ZNF609: variants seen among roughly 807,000 people sequenced by gnomAD.
The protein encoded by ZNF609 is zinc finger protein 609.
In ZNF609, 11 loss-of-function variants were observed where a neutral mutation model predicts 109.5. That is an observed-to-expected ratio of 0.10 (90% CI 0.06 to 0.17). The LOEUF (loss-of-function observed/expected upper bound fraction) is 0.17, where lower values mean the gene tolerates loss of function less well. Among genes scored for constraint, ZNF609 ranks in the 10% least tolerant of loss-of-function variants. ZNF609 has a pLI of 1.00. For synonymous variants in ZNF609, 646 were observed against 662.0 expected (o/e 0.98, Z 0.37); for missense variants, 1,559 against 1,772.4 (o/e 0.88, Z 2.16).
chr15:64,467,230 C>G (rs1195797871), intron 1 of ZNF609, among the ~76,000 whole-genome samples: 1 of 152,180 alleles, frequency 6.6e-6, no homozygotes, highest in Non-Finnish European at 1.5e-5. Context: ...TGATGCCAGA[C>G]AAGCTCTGAA....
intron 2 of ZNF609, among the ~76,000 whole-genome samples, chr15:64,553,037 C>T (rs1449712331): frequency 6.6e-6 from 1 of 152,142 alleles, no homozygotes. Context: ...TCCTGAGCTG[C>T]ATTTTCACTT....
At chr15:64,480,300 G>GAGGC (rs1244173206) in intron 1 of ZNF609, among the ~76,000 whole-genome samples, 2 of 152,120 alleles carry the variant, frequency 1.3e-5, no homozygotes, top group Admixed American at 6.5e-5. Context: ...TTGGGAGGCT[G>GAGGC]AGGCAGGTGG....
In ZNF609 at chr15:64,680,768, C is replaced by T. The variant is rs8028030; in HGVS notation, c.4068C>T (p.Thr1356=). 2,632 of 1,613,472 alleles carry T rather than the reference C, an allele frequency of 1.6e-3. 39 individuals are homozygous for T. The African/African-American group carries it at 0.031, about 19-fold the overall frequency. The change falls in exon 8 of 10, where the codon ACC becomes ACT. Residue 1356 remains threonine, a synonymous_variant. Coordinates refer to ENST00000326648, the MANE Select transcript of ZNF609 (RefSeq NM_015042.2). ...GGERSVDRPR[T]SPSQRLMSTH... ...AACGGAGTGTTGACCGGCCCCGCAC[C>T]TCTCCTTCCCAGCGCCTGATGTCCA...
At chr15:64,607,453 T>A (rs1895621756) in intron 2 of ZNF609, among the ~76,000 whole-genome samples, 1 of 151,934 alleles carries the variant, frequency 6.6e-6, no homozygotes, top group Non-Finnish European at 1.5e-5. Flanking sequence ...AAATAATATG[T>A]TAATATTTAA....
At chr15:64,627,663 C>CTTTTTTTTTTTTTTTTTTTTTTTT (rs35293725) in intron 3 of ZNF609, among the ~76,000 whole-genome samples, 10 of 86,010 alleles carry the variant, frequency 1.2e-4, no homozygotes, top group East Asian at 4.0e-4. Flanking sequence ...TTTTTTCTTT[C>CTTTTTTTTTTTTTTTTTTTTTTTT]TTTTTTTTTT....
Position 64,542,134 on chromosome 15 carries a change from CACAG to C in ZNF609, c.747+41974_747+41977del, listed in dbSNP as rs141188834. 3.3e-5 allele frequency among the ~76,000 whole-genome samples: 5 copies of C among 152,236 alleles called. No homozygotes were observed. The East Asian group carries it at 5.8e-4, about 18-fold the overall frequency. ...CCCCCATCTCTCTCACACACACACACACAGACAGAGTAGGTATTTCTGAGAAAGT... is the reference window on the plus strand; with the variant it reads ...CCCCCATCTCTCTCACACACACACACACAGAGTAGGTATTTCTGAGAAAGT... On this transcript the variant is annotated intron_variant, in intron 2 of 9. Transcript: ENST00000326648.
Position 64,499,434 on chromosome 15 carries a change from T to C in ZNF609, c.15T>C (p.Ser5=). 5.6e-6 allele frequency: 9 copies of C among 1,613,668 alleles called. No homozygotes were observed. The highest frequency in any genetic ancestry group is 7.6e-6 in the Non-Finnish European group (9 of 1,179,742). Residue 5 remains serine, a synonymous_variant, in exon 2 of 10, where the codon AGT becomes AGC. Coordinates refer to ENST00000326648, the MANE Select transcript of ZNF609 (RefSeq NM_015042.2). MSLS[S]GASGGKGVDA... is the part of the protein sequence containing the mutation. ...TTGACTCTAAGATGTCCTTGAGCAG[T>C]GGAGCCTCCGGAGGGAAAGGAGTGG...
intron 1 of ZNF609, among the ~76,000 whole-genome samples, chr15:64,466,566 T>C (rs983309611): frequency 6.6e-6 from 1 of 152,208 alleles, no homozygotes; most frequent in African/African-American, 2.4e-5. Flanking sequence ...GGTCAGGGCC[T>C]ATGGAGCACT....
intron 1 of ZNF609, among the ~76,000 whole-genome samples, chr15:64,490,751 G>A (rs1893402055): frequency 6.6e-6 from 1 of 152,212 alleles, no homozygotes; most frequent in Non-Finnish European, 1.5e-5. Context: ...CCTATTGTGA[G>A]ATACATGCTG....
intron 2 of ZNF609, among the ~76,000 whole-genome samples, chr15:64,543,091 G>A (rs977251837): frequency 1.3e-5 from 2 of 152,022 alleles, no homozygotes; most frequent in South Asian, 2.1e-4. Context: ...GCAAACCACC[G>A]TGGGACGTGT....
chr15:64,532,316 T>C (rs987207195), intron 2 of ZNF609, among the ~76,000 whole-genome samples: 3 of 152,240 alleles, frequency 2.0e-5, no homozygotes, highest in East Asian at 1.9e-4. Context: ...GTGTATACTT[T>C]ATTATGCTTA....
intron 1 of ZNF609, among the ~76,000 whole-genome samples, chr15:64,497,099 G>A (rs1352375753): frequency 6.6e-6 from 1 of 152,186 alleles, no homozygotes; most frequent in African/African-American, 2.4e-5. Context: ...ACAGGCATGA[G>A]CCACCATGCC....
At chr15:64,469,427 CAAA>C (rs34210041) in intron 1 of ZNF609, among the ~76,000 whole-genome samples, 35,707 of 72,888 alleles carry the variant, frequency 0.49, 5,602 homozygotes, top group East Asian at 0.73. Context: ...ACCCTATTTC[CAAA>C]AAAAAAAAAA....
At chr15:64,662,178 T>C (rs998430712) in intron 3 of ZNF609, among the ~76,000 whole-genome samples, 2 of 152,130 alleles carry the variant, frequency 1.3e-5, no homozygotes, top group African/African-American at 4.8e-5. Context: ...TGCTTAAGTG[T>C]TCTCACAAAA....
intron 1 of ZNF609, among the ~76,000 whole-genome samples, chr15:64,495,693 CTG>C (rs1021981485): frequency 2.0e-5 from 3 of 151,678 alleles, no homozygotes; most frequent in Admixed American, 1.3e-4. Context: ...GGATTAGCCA[CTG>C]TGGACTACTT....
At chr15:64,545,595 A>G (rs1420420776) in intron 2 of ZNF609, among the ~76,000 whole-genome samples, 2 of 152,198 alleles carry the variant, frequency 1.3e-5, no homozygotes, top group African/African-American at 4.8e-5. Flanking sequence ...AAATGGATGC[A>G]TCTGTTTAAC....
At chr15:64,565,258 T>TTA in intron 2 of ZNF609, among the ~76,000 whole-genome samples, 2 of 11,800 alleles carry the variant, frequency 1.7e-4, no homozygotes, top group Admixed American at 9.5e-4. Flanking sequence ...TATTACTATT[T>TTA]TTAGTAGAGA....
chr15:64,462,480 G>A (rs1014714790), intron 1 of ZNF609, among the ~76,000 whole-genome samples: 1 of 152,172 alleles, frequency 6.6e-6, no homozygotes, highest in African/African-American at 2.4e-5. Flanking sequence ...TTAAGATGGG[G>A]AGTCAAGCCC....
intron 3 of ZNF609, among the ~76,000 whole-genome samples, chr15:64,626,486 TTCTG>T (rs933866543): frequency 3.3e-5 from 5 of 152,184 alleles, no homozygotes; most frequent in African/African-American, 4.8e-5. Flanking sequence ...CATTTTGTAC[TTCTG>T]TCTGTCTCTT....
Sources: gnomAD v4.1 joint callset for allele counts (sites outside exome capture counted in the v4.1 genomes callset) on GRCh38, gnomAD v4.1.1 for gene constraint, MANE v1.5 for transcripts, NCBI Gene and HGNC (gene_info 2026-07-23, HGNC 2026-07-21) for gene names.